Variants in DAB1 observed in about 807,000 individuals in gnomAD.
DAB1 encodes the protein DAB adaptor protein 1, also known as disabled homolog 1.
Under a neutral mutation model 64.6 loss-of-function variants are expected in DAB1, and 15 were observed. That is an observed-to-expected ratio of 0.23 (90% CI 0.16 to 0.36). The LOEUF is 0.36. Ranked by LOEUF, DAB1 falls within the 10% of genes least tolerant of loss-of-function variation. The pLI, the probability that DAB1 is intolerant of heterozygous loss-of-function variation, is 1.00. For missense variants in DAB1, 596 were observed against 706.7 expected (o/e 0.84, Z 1.78); for synonymous variants, 235 against 251.9 (o/e 0.93, Z 0.64).
At chr1:57,194,141 T>C (rs1489708878) in intron 2 of DAB1, among the ~76,000 whole-genome samples, 1 of 152,238 alleles carries the variant, frequency 6.6e-6, no homozygotes, top group Non-Finnish European at 1.5e-5. Flanking sequence ...ATTAGAATCA[T>C]CTGGAGGGCT....
At chr1:57,962,657 A>G (rs1645553169) in intron 5 of DAB1, among the ~76,000 whole-genome samples, 1 of 152,038 alleles carries the variant, frequency 6.6e-6, no homozygotes, top group Admixed American at 6.6e-5. Context: ...GAATCACTTG[A>G]GGCAAGGAGT....
chr1:57,642,100 A>AT (rs886980805), intron 7 of DAB1, among the ~76,000 whole-genome samples: 48 of 150,704 alleles, frequency 3.2e-4, no homozygotes, highest in Admixed American at 1.6e-3. Context: ...GTGCTCAGTG[A>AT]TTTTTTTTTT....
intron 7 of DAB1, among the ~76,000 whole-genome samples, chr1:57,589,888 T>A (rs974403481): frequency 6.6e-6 from 1 of 152,100 alleles, no homozygotes; most frequent in Non-Finnish European, 1.5e-5. Flanking sequence ...TTGGTGAAAA[T>A]TTTAAAAACC....
chr1:58,297,602 A>G (rs927852980), intron 4 of DAB1, among the ~76,000 whole-genome samples: 3 of 152,232 alleles, frequency 2.0e-5, no homozygotes, highest in African/African-American at 7.2e-5. Flanking sequence ...TGGGACAGAC[A>G]TATCTAGTGG....
chr1:57,802,456 G>A (rs1441643650), intron 6 of DAB1, among the ~76,000 whole-genome samples: 1 of 152,160 alleles, frequency 6.6e-6, no homozygotes, highest in African/African-American at 2.4e-5. Context: ...AAGTTGAATT[G>A]GGAGGCAAAC....
At chr1:57,534,461 G>A (rs1030059282) in intron 7 of DAB1, among the ~76,000 whole-genome samples, 16 of 152,170 alleles carry the variant, frequency 1.1e-4, no homozygotes, top group African/African-American at 3.9e-4. Flanking sequence ...AGATCCCATT[G>A]ACTTTTCAGC....
At chr1:57,745,895 A>G (rs905456365) in intron 6 of DAB1, among the ~76,000 whole-genome samples, 2 of 152,196 alleles carry the variant, frequency 1.3e-5, no homozygotes, top group African/African-American at 4.8e-5. Context: ...TTTATGTACG[A>G]ACAACATAAG....
At chr1:58,414,151 C>T (rs80196866) in intron 3 of DAB1, among the ~76,000 whole-genome samples, 5,096 of 152,326 alleles carry the variant, frequency 0.033, 107 homozygotes, top group African/African-American at 0.063. Context: ...TGTTCTGTCA[C>T]TGATGAAACA....
At chr1:57,608,146 T>TAC (rs1359686138) in intron 7 of DAB1, among the ~76,000 whole-genome samples, 3 of 152,170 alleles carry the variant, frequency 2.0e-5, no homozygotes, top group East Asian at 3.8e-4. Context: ...CATATGTGTA[T>TAC]ACACACACAT....
chr1:57,804,914 G>T (rs1301276848), intron 6 of DAB1, among the ~76,000 whole-genome samples: 1 of 152,192 alleles, frequency 6.6e-6, no homozygotes, highest in Non-Finnish European at 1.5e-5. Context: ...TTGGAGATTT[G>T]TATTTTTTGT....
chr1:57,441,268 CTTTCTCTTTCTT>C (rs1685936154), intron 7 of DAB1, among the ~76,000 whole-genome samples: 2 of 128,292 alleles, frequency 1.6e-5, no homozygotes, highest in African/African-American at 7.0e-5. Context: ...TCTTTTCTTT[CTTTCTCTTTCTT>C]TCTTTCTTTC....
chr1:58,070,451 T>C (rs1044485761), intron 5 of DAB1, among the ~76,000 whole-genome samples: 1 of 152,136 alleles, frequency 6.6e-6, no homozygotes, highest in African/African-American at 2.4e-5. Flanking sequence ...CTAAGGATAG[T>C]AGTGGTGGAT....
chr1:57,643,467 T>G (rs1296093727), intron 7 of DAB1, among the ~76,000 whole-genome samples: 1 of 152,212 alleles, frequency 6.6e-6, no homozygotes, highest in Non-Finnish European at 1.5e-5. Context: ...TGCATTTGCT[T>G]TTATGTTAGT....
intron 3 of DAB1, among the ~76,000 whole-genome samples, chr1:58,385,421 T>C (rs1644424904): frequency 6.6e-6 from 1 of 152,192 alleles, no homozygotes; most frequent in African/African-American, 2.4e-5. Flanking sequence ...CCAAAAGCAT[T>C]TCATATGCAT....
At chr1:58,539,357 A>G in intron 1 of DAB1, 1 of 736,802 alleles carries the variant, frequency 1.4e-6, no homozygotes, top group Non-Finnish European at 2.3e-6. Context: ...ATATTTACTT[A>G]CCAAACTGGG....
chr1:57,543,916 G>A lies in DAB1; in HGVS notation n.625+105676C>T, dbSNP rs182770853. ...GAGGCCAGGAGTTCAAAACCAGCCT[G>A]GGCAACATAGCAAGACCCCATCTCT... On this transcript the variant is annotated intron_variant and non_coding_transcript_variant, in intron 7 of 20. Coordinates refer to the DAB1 transcript ENST00000485760. Among the ~76,000 whole-genome samples the A allele has an allele frequency of 2.2e-3, 337 of 152,200 alleles. 1 individual carries two copies. The highest frequency in any genetic ancestry group is 0.01 in the Middle Eastern group (3 of 294).
intron 2 of DAB1, among the ~76,000 whole-genome samples, chr1:57,181,312 G>A (rs941342326): frequency 1.3e-5 from 2 of 152,148 alleles, no homozygotes; most frequent in African/African-American, 2.4e-5. Flanking sequence ...CGGACTTGAC[G>A]GTCCTAAGAG....
chr1:58,264,694 A>T (rs988145363), intron 4 of DAB1, among the ~76,000 whole-genome samples: 1 of 152,218 alleles, frequency 6.6e-6, no homozygotes, highest in Non-Finnish European at 1.5e-5. Flanking sequence ...CATGCCATTG[A>T]AGTGACACAC....
At chr1:58,485,106 TGGGATTTTGATGGTATGG>T (rs1484096133) in intron 3 of DAB1, among the ~76,000 whole-genome samples, 4 of 151,924 alleles carry the variant, frequency 2.6e-5, no homozygotes, top group Admixed American at 1.3e-4. Flanking sequence ...CACTCTGGCA[TGGGATTTTGATGGTATGG>T]GAGGCTGTGA....
Sources: gnomAD v4.1 joint callset for allele counts (sites outside exome capture counted in the v4.1 genomes callset) on GRCh38, gnomAD v4.1.1 for gene constraint, MANE v1.5 for transcripts, NCBI Gene and HGNC (gene_info 2026-07-23, HGNC 2026-07-21) for gene names.